Variants in LMX1B observed in about 807,000 individuals in gnomAD.
LMX1B encodes the protein LIM homeobox transcription factor 1-beta.
LMX1B carries 12 observed loss-of-function variants against 51.4 expected under a neutral mutation model. The observed-to-expected ratio is 0.23, with a 90% CI of 0.15 to 0.38. The LOEUF is 0.38. LMX1B is among the 10% of genes least tolerant of loss of function. The probability of loss-of-function intolerance (pLI) is 1.00; values close to 1 mark genes in which losing one functional copy is unlikely to be tolerated. For synonymous variants in LMX1B, 237 were observed against 235.4 expected, an observed-to-expected ratio of 1.01 and a Z score of -0.06; for missense variants, 445 against 571.1, an observed-to-expected ratio of 0.78 and a Z score of 2.25.
In LMX1B at chr9:126,626,145, C is replaced by A. The variant is rs538169028; in HGVS notation, c.326+10576C>A. Reference sequence around the variant, plus strand: ...GAATTTGTCTCTGATGTCCCGGCTCCCTGGCCTCCTATTAGAACTCGTAGA... The same window carrying A: ...GAATTTGTCTCTGATGTCCCGGCTCACTGGCCTCCTATTAGAACTCGTAGA... On this transcript the variant is annotated intron_variant, in intron 2 of 7. Coordinates refer to ENST00000373474, the MANE Select transcript of LMX1B (RefSeq NM_001174147.2). This position sits in a 1 kb window ranked among gnomAD's most constrained non-coding sequence, Gnocchi z 4.3. Among the ~76,000 whole-genome samples, 3 of 152,316 alleles carry A rather than the reference C, an allele frequency of 2.0e-5. No individual in the cohort carries two copies. The highest frequency in any genetic ancestry group is 7.2e-5 in the African/African-American group (3 of 41,572).
At chr9:126,670,283 G>C (rs538894395) in intron 2 of LMX1B, among the ~76,000 whole-genome samples, 46 of 152,344 alleles carry the variant, frequency 3.0e-4, no homozygotes, top group African/African-American at 1.1e-3. Context: ...CCTCCCCACG[G>C]GTGGACACGT....
chr9:126,635,030 C>T (rs1036256176), intron 2 of LMX1B, among the ~76,000 whole-genome samples: 10 of 152,314 alleles, frequency 6.6e-5, no homozygotes, highest in Admixed American at 2.0e-4. Flanking sequence ...CCCTAGCACC[C>T]GCTGCATGCC....
intron 3 of LMX1B, among the ~76,000 whole-genome samples, chr9:126,691,362 T>C (rs2030125110): frequency 1.3e-5 from 2 of 152,122 alleles, no homozygotes; most frequent in South Asian, 2.1e-4. Flanking sequence ...GGAATACCCC[T>C]ACCCTGAGTA....
chr9:126,634,184 G>A lies in LMX1B; in HGVS notation c.326+18615G>A, dbSNP rs190271277. Among the ~76,000 whole-genome samples the A allele has an allele frequency of 5.9e-5, 9 of 152,312 alleles. No individual in the cohort carries two copies. In the East Asian group the frequency reaches 1.7e-3, roughly 29 times the overall value. On this transcript the variant is annotated intron_variant, in intron 2 of 7. Transcript: ENST00000373474. ...CAGCCTGGCCTGCCTGGGATAAGGA[G>A]CGGGCAGGGAAACCCAGAGGAGAAG...
intron 2 of LMX1B, among the ~76,000 whole-genome samples, chr9:126,632,407 A>C (rs1423345644): frequency 6.6e-6 from 1 of 152,016 alleles, no homozygotes; most frequent in Non-Finnish European, 1.5e-5. Context: ...TGGGACAGTG[A>C]GTCTGGCGGA....
At chr9:126,685,393 T>C (rs1383953215) in intron 2 of LMX1B, among the ~76,000 whole-genome samples, 2 of 152,180 alleles carry the variant, frequency 1.3e-5, no homozygotes, top group Non-Finnish European at 2.9e-5. Context: ...TTTGGGGTAC[T>C]CTTGGACGTT....
In LMX1B at chr9:126,695,836, C is replaced by T. The variant is rs774531568; in HGVS notation, c.887-3C>T. The T allele has an allele frequency of 1.2e-6, 2 of 1,612,622 alleles. No individual in the cohort carries two copies. The highest frequency in any genetic ancestry group is 1.7e-6 in the Non-Finnish European group (2 of 1,179,564). ...AGGGGGTGAAGGCTCACTGTGCCCC[C>T]AGAGGTCCTGTCCAGCCGCATGGAG... On this transcript the variant is annotated splice_polypyrimidine_tract_variant and splice_region_variant and intron_variant, in intron 6 of 7. Coordinates refer to ENST00000373474, the MANE Select transcript of LMX1B (RefSeq NM_001174147.2). The surrounding 1 kb of genome is among the most constrained non-coding windows in gnomAD (Gnocchi z 5.2).
chr9:126,667,945 G>A (rs961899958), intron 2 of LMX1B, among the ~76,000 whole-genome samples: 2 of 152,222 alleles, frequency 1.3e-5, no homozygotes, highest in Non-Finnish European at 2.9e-5. Context: ...CAGCTGAGTG[G>A]TAGCTTAGGG....
chr9:126,619,759 C>T (rs541372843), intron 2 of LMX1B, among the ~76,000 whole-genome samples: 6 of 152,284 alleles, frequency 3.9e-5, no homozygotes, highest in African/African-American at 1.4e-4. Flanking sequence ...TCCTGGCTCA[C>T]CCTCGACTCC....
chr9:126,683,281 C>A (rs897288903), intron 2 of LMX1B, among the ~76,000 whole-genome samples: 1 of 151,490 alleles, frequency 6.6e-6, no homozygotes, highest in African/African-American at 2.4e-5. Flanking sequence ...ACCGGGGCCC[C>A]CGCCCGCGGC....
In LMX1B at chr9:126,696,016, A is replaced by ACGGGGGGGCGC; in HGVS notation, c.1051+14_1051+15insGGGGGGGCGCC. Reference sequence around the variant, plus strand: ...ATGAACCCCTATGGTAAGCCGCCCTACCCCCACCCGCCCGCCCCAGCACAG... The same window carrying ACGGGGGGGCGC: ...ATGAACCCCTATGGTAAGCCGCCCTACGGGGGGGCGCCCCCCACCCGCCCGCCCCAGCACAG... On this transcript the variant is annotated intron_variant, in intron 7 of 7. Coordinates refer to ENST00000373474, the MANE Select transcript of LMX1B (RefSeq NM_001174147.2). The ACGGGGGGGCGC allele has an allele frequency of 6.6e-7, 1 of 1,512,700 alleles. No individual in the cohort carries two copies. The highest frequency in any genetic ancestry group is 8.8e-7 in the Non-Finnish European group (1 of 1,131,794). The allele number at this position is 1,512,700 out of a possible 1,614,324, so 93.7% of individuals were successfully genotyped here. A position where few individuals can be genotyped will look rare whatever the true frequency, so the allele number is the denominator to read the frequency against.
At chr9:126,629,302 A>G (rs1835591498) in intron 2 of LMX1B, among the ~76,000 whole-genome samples, 1 of 152,246 alleles carries the variant, frequency 6.6e-6, no homozygotes, top group African/African-American at 2.4e-5. Context: ...GACCTGGAGC[A>G]TGCACGACAG....
chr9:126,654,019 T>C (rs2118907767), intron 2 of LMX1B, among the ~76,000 whole-genome samples: 1 of 152,172 alleles, frequency 6.6e-6, no homozygotes, highest in East Asian at 1.9e-4. Flanking sequence ...CACCCAGCAC[T>C]CACTGCCATA....
chr9:126,678,309 CA>C (rs1365345216), intron 2 of LMX1B, among the ~76,000 whole-genome samples: 24 of 65,978 alleles, frequency 3.6e-4, no homozygotes, highest in Admixed American at 6.8e-4. Context: ...GACTTCGTCT[CA>C]AAAAAAAAAA....
chr9:126,687,471 C>T (rs1175954356), intron 2 of LMX1B, among the ~76,000 whole-genome samples: 1 of 152,120 alleles, frequency 6.6e-6, no homozygotes, highest in East Asian at 1.9e-4. Context: ...CTTAAGTGAT[C>T]CGCCCGCCTC....
intron 2 of LMX1B, among the ~76,000 whole-genome samples, chr9:126,667,028 C>T (rs1260839199): frequency 2.0e-5 from 3 of 152,128 alleles, no homozygotes; most frequent in Admixed American, 6.6e-5. Context: ...ATTACAAAAT[C>T]GTTGTTGCTC....
intron 2 of LMX1B, among the ~76,000 whole-genome samples, chr9:126,676,430 C>T (rs997609357): frequency 3.3e-5 from 5 of 152,176 alleles, no homozygotes; most frequent in Non-Finnish European, 7.3e-5. Flanking sequence ...CAATAAGCAC[C>T]GCATCAGTAT....
intron 2 of LMX1B, among the ~76,000 whole-genome samples, chr9:126,690,393 G>A (rs1354724358): frequency 1.3e-5 from 2 of 152,122 alleles, no homozygotes; most frequent in Non-Finnish European, 2.9e-5. Flanking sequence ...GGCCCAGGCT[G>A]GGCAGTGGGT....
At chr9:126,666,728 G>A (rs905407194) in intron 2 of LMX1B, among the ~76,000 whole-genome samples, 3 of 152,166 alleles carry the variant, frequency 2.0e-5, no homozygotes, top group Admixed American at 6.5e-5. Flanking sequence ...GAAGACTTCT[G>A]AGCAGGCCGT....
Sources: gnomAD v4.1 joint callset for allele counts (sites outside exome capture counted in the v4.1 genomes callset) on GRCh38, gnomAD v4.1.1 for gene constraint, Gnocchi (gnomAD v3.1) non-coding constraint, MANE v1.5 for transcripts, NCBI Gene and HGNC (gene_info 2026-07-23, HGNC 2026-07-21) for gene names.